SIRPA: variants seen among roughly 807,000 people sequenced by gnomAD.
The protein encoded by SIRPA is tyrosine-protein phosphatase non-receptor type substrate 1.
In SIRPA, 9 loss-of-function variants were observed where a neutral mutation model predicts 50.3. The ratio of observed to expected loss-of-function variants is 0.18; its 90% CI spans 0.11 to 0.31. The LOEUF (loss-of-function observed/expected upper bound fraction) is 0.31. Among genes scored for constraint, SIRPA ranks in the 10% least tolerant of loss-of-function variants. SIRPA has a pLI of 1.00. For synonymous variants in SIRPA, 265 were observed against 284.1 expected, an observed-to-expected ratio of 0.93 and a Z score of 0.68; for missense variants, 474 against 661.6, an observed-to-expected ratio of 0.72 and a Z score of 3.11.
intron 7 of SIRPA, among the ~76,000 whole-genome samples, chr20:1,935,866 G>A (rs541673182): frequency 6.6e-6 from 1 of 152,282 alleles, no homozygotes; most frequent in Non-Finnish European, 1.5e-5. Flanking sequence ...CTGTCAACAC[G>A]GATTTCCCAG....
At position 1,937,513 on chromosome 20, in the gene SIRPA, C is replaced by A. The variant is rs780245154; in HGVS notation, c.1460C>A (p.Pro487His). The A allele has an allele frequency of 1.9e-6, 3 of 1,614,122 alleles. No homozygotes were observed. The highest frequency in any genetic ancestry group is 1.7e-6 in the Non-Finnish European group (2 of 1,180,012). ...HLNRTPKQPA[P>H]KPEPSFSEYA... ...AACCGGACCCCCAAGCAGCCGGCCC[C>A]CAAGCCTGAGCCGTCCTTCTCAGAG... is the stretch of plus-strand genomic sequence containing the variant. The change falls in exon 8 of 8, where the codon CCC (proline) becomes CAC (histidine). Residue 487 changes from proline (P) to histidine (H), a missense_variant. By Grantham distance (77) the Pro-to-His change is moderately conservative. Around this residue, in one of 4 missense-constraint regions of SIRPA, gnomAD observed 180 missense variants for 206.7 expected, o/e 0.87. Coordinates refer to ENST00000358771, the MANE Select transcript of SIRPA (RefSeq NM_001040023.2). The surrounding 1 kb of genome is among the most constrained non-coding windows in gnomAD (Gnocchi z 8.3).
chr20:1,919,360 C>T (rs149760292), intron 2 of SIRPA, among the ~76,000 whole-genome samples: 88 of 152,318 alleles, frequency 5.8e-4, no homozygotes, highest in African/African-American at 2.0e-3. Context: ...CCAGAGGTCA[C>T]GGAGGACAAG....
At chr20:1,914,991 G>A (rs1184179508) in intron 1 of SIRPA, 108 bp from the exon 2 acceptor site, 2 of 927,484 alleles carry the variant, frequency 2.2e-6, no homozygotes, top group Admixed American at 2.3e-5. Flanking sequence ...TGATCTCACA[G>A]CCTGCTTCTG....
rs550163193 is a variant in SIRPA, at chr20:1,929,472, G to A, written c.1226+1573G>A. Among the ~76,000 whole-genome samples, 21 of 152,282 alleles carry A rather than the reference G, an allele frequency of 1.4e-4. No individual in the cohort carries two copies. In the South Asian group the frequency reaches 3.9e-3, roughly 29 times the overall value. Reference sequence around the variant, plus strand: ...TCCTGAGTTGGGGGGTGCAGGTGATGGGTGGAGTGATGGGGCAAATATCAG... The same window carrying A: ...TCCTGAGTTGGGGGGTGCAGGTGATAGGTGGAGTGATGGGGCAAATATCAG... On this transcript the variant is annotated intron_variant, in intron 6 of 7. Transcript: ENST00000358771.
chr20:1,919,606 C>T lies in SIRPA; in HGVS notation c.437-1789C>T, dbSNP rs551455675. Among the ~76,000 whole-genome samples, 34 of 152,168 alleles carry T rather than the reference C, an allele frequency of 2.2e-4. No individual in the cohort carries two copies. In the South Asian group the frequency reaches 2.3e-3, roughly 10 times the overall value. On this transcript the variant is annotated intron_variant, in intron 2 of 7. Transcript: ENST00000358771. ...CTGAAAATGTTTTTGTCTAAATGAC[C>T]GCCGGAATCCCAGCAAATCCTTCCA...
chr20:1,899,258 C>T (rs570851619), intron 1 of SIRPA, among the ~76,000 whole-genome samples: 51 of 152,158 alleles, frequency 3.4e-4, no homozygotes, highest in African/African-American at 1.2e-3. Context: ...GGCTTCCTCC[C>T]TGCCAGGCCT....
chr20:1,924,381 C>T lies in SIRPA; in HGVS notation c.1088-383C>T, dbSNP rs1018178731. Among the ~76,000 whole-genome samples, 8 of 152,348 alleles carry T rather than the reference C, an allele frequency of 5.3e-5. No individual in the cohort carries two copies. The East Asian group carries it at 1.5e-3, about 29-fold the overall frequency. ...AGAGCCTGCTGGCCGCACTGCCCTT[C>T]TTCCAGCTGCTGATTCAGTTTCCAG... On this transcript the variant is annotated intron_variant, in intron 4 of 7. Coordinates refer to ENST00000358771, the MANE Select transcript of SIRPA (RefSeq NM_001040023.2). The surrounding 1 kb of genome is among the most constrained non-coding windows in gnomAD (Gnocchi z 4.5).
chr20:1,913,960 C>T (rs56301259), intron 1 of SIRPA, among the ~76,000 whole-genome samples: 55,710 of 151,694 alleles, frequency 0.37, 10,533 homozygotes, highest in East Asian at 0.66. Context: ...CTCCTGCAGC[C>T]AACCTCTACA....
upstream of SIRPA, chr20:1,895,252 T>C (rs1600380667): frequency 8.1e-6 from 3 of 372,232 alleles, no homozygotes; most frequent in Non-Finnish European, 1.3e-5. Flanking sequence ...CCATTTCTCC[T>C]GGGGGGCGGG....
chr20:1,930,928 T>G (rs938022400), intron 6 of SIRPA, among the ~76,000 whole-genome samples: 1 of 152,224 alleles, frequency 6.6e-6, no homozygotes, highest in African/African-American at 2.4e-5. Flanking sequence ...CCTCCCCGAT[T>G]AGACAATGAG....
At chr20:1,900,375 C>T (rs1984115044) in intron 1 of SIRPA, among the ~76,000 whole-genome samples, 1 of 152,128 alleles carries the variant, frequency 6.6e-6, no homozygotes, top group East Asian at 1.9e-4. Context: ...CAGGCTGAGC[C>T]ACCGCACCAC....
intron 1 of SIRPA, among the ~76,000 whole-genome samples, chr20:1,905,946 T>G (rs2123023683): frequency 6.6e-6 from 1 of 152,318 alleles, no homozygotes; most frequent in East Asian, 1.9e-4. Flanking sequence ...AGGGGCCTCA[T>G]GCATGCATCA....
In SIRPA at chr20:1,921,419, C is replaced by T. The variant is rs370744062; in HGVS notation, c.461C>T (p.Ser154Leu). 1.9e-5 allele frequency: 31 copies of T among 1,613,526 alleles called. No individual in the cohort carries two copies. Among genetic ancestry groups the T allele is most frequent in the Admixed American group, 6.7e-5 (4 of 60,000 alleles). The part of the protein sequence containing the change: ...VRAKPSAPVV[S>L]GPAARATPQH... ...GCCAAACCCTCTGCCCCCGTGGTAT[C>T]GGGCCCTGCGGCGAGGGCCACACCT... The change falls in exon 3 of 8, where the codon TCG (serine) becomes TTG (leucine). Residue 154 changes from serine (S) to leucine (L), a missense_variant. Ser to Leu is a moderately radical substitution (Grantham distance 145). Around this residue, in one of 4 missense-constraint regions of SIRPA, gnomAD observed 221 missense variants for 359.9 expected, o/e 0.61. Coordinates refer to ENST00000358771, the MANE Select transcript of SIRPA (RefSeq NM_001040023.2).
rs1178366090 is a variant in SIRPA, at chr20:1,924,820, T to C, written c.1144T>C (p.Leu382=). 2 of 1,614,222 alleles carry C rather than the reference T, an allele frequency of 1.2e-6. No homozygotes were observed. Among genetic ancestry groups the C allele is most frequent in the Admixed American group, 1.7e-5 (1 of 60,034 alleles). Residue 382 remains leucine (L), a synonymous_variant, in exon 5 of 8, where the codon TTG becomes CTG. Coordinates refer to ENST00000358771, the MANE Select transcript of SIRPA (RefSeq NM_001040023.2). This position sits in a 1 kb window ranked among gnomAD's most constrained non-coding sequence, Gnocchi z 4.5. ...IYIVVGVVCT[L]LVALLMAALY... is the part of the protein sequence containing the mutation. ...TATTGTGGTGGGTGTGGTGTGCACC[T>C]TGCTGGTGGCCCTACTGATGGCGGC...
rs1048199719 is a variant in SIRPA at position 1,898,383 on chromosome 20, G to A, written c.79+2857G>A. The stretch of plus-strand genomic sequence containing the variant: ...CCCTCGGAAACTCACGGTAATTCAC[G>A]TCTGTACTTGCAGTCATGCAGCACC... On this transcript the variant is annotated intron_variant, in intron 1 of 7. Coordinates refer to ENST00000358771, the MANE Select transcript of SIRPA (RefSeq NM_001040023.2). This position sits in a 1 kb window ranked among gnomAD's most constrained non-coding sequence, Gnocchi z 4.3. 1.3e-5 allele frequency among the ~76,000 whole-genome samples: 2 copies of A among 152,162 alleles called. No individual in the cohort carries two copies. The highest frequency in any genetic ancestry group is 6.5e-5 in the Admixed American group (1 of 15,282).
intron 1 of SIRPA, among the ~76,000 whole-genome samples, chr20:1,897,488 C>T (rs566035735): frequency 7.9e-5 from 12 of 152,336 alleles, no homozygotes; most frequent in Middle Eastern, 3.4e-3. Flanking sequence ...AGGATGGGGC[C>T]TCAGGCCCCT....
rs1986067840 is a variant in SIRPA, at chr20:1,927,764, A to G, written c.1202-111A>G. On this transcript the variant is annotated intron_variant, in intron 5 of 7. Coordinates refer to ENST00000358771, the MANE Select transcript of SIRPA (RefSeq NM_001040023.2). This position sits in a 1 kb window ranked among gnomAD's most constrained non-coding sequence, Gnocchi z 6.5. ...CTCCTGTGGTTCCAAGGATGTGATT[A>G]CAGCATTTCCTCTCCATGTCCCTGG... 3.5e-5 allele frequency: 33 copies of G among 932,114 alleles called. No individual in the cohort carries two copies. In the East Asian group the frequency reaches 7.9e-4, roughly 22 times the overall value. The allele number at this position is 932,114 out of a possible 1,614,324, so 57.7% of individuals were successfully genotyped here. A position where few individuals can be genotyped will look rare whatever the true frequency, so the allele number is the denominator to read the frequency against.
chr20:1,934,381 A>G lies in SIRPA; in HGVS notation c.1227-334A>G, dbSNP rs1251493553. Reference sequence around the variant, plus strand: ...CTCTTGATTTTGCCAGCTGCTTCCCAAAAGGATTGTACTGGTTTGCCTCTC... The same window carrying G: ...CTCTTGATTTTGCCAGCTGCTTCCCGAAAGGATTGTACTGGTTTGCCTCTC... On this transcript the variant is annotated intron_variant, in intron 6 of 7. Transcript: ENST00000358771. This position sits in a 1 kb window ranked among gnomAD's most constrained non-coding sequence, Gnocchi z 4.6. 1.3e-5 allele frequency among the ~76,000 whole-genome samples: 2 copies of G among 152,208 alleles called. No homozygotes were observed. The highest frequency in any genetic ancestry group is 2.4e-5 in the African/African-American group (1 of 41,440).
chr20:1,938,946 TGAA>T lies in SIRPA; in HGVS notation c.*1385_*1387del, dbSNP rs1294095474. 2 of 152,730 alleles carry T rather than the reference TGAA, an allele frequency of 1.3e-5. No individual in the cohort carries two copies. Among genetic ancestry groups the T allele is most frequent in the African/African-American group, 2.4e-5 (1 of 41,462 alleles). 9.5% of individuals were successfully genotyped at this position (152,730 alleles called of 1,614,324 possible). ...CATCCCGGCTTTCTGAGCTGATCCT[TGAA>T]GAAGAAATCTTCCATTTCTGCTCTC... On this transcript the variant is annotated 3_prime_UTR_variant, in exon 8 of 8. Coordinates refer to ENST00000358771, the MANE Select transcript of SIRPA (RefSeq NM_001040023.2).
Sources: gnomAD v4.1 joint callset for allele counts (sites outside exome capture counted in the v4.1 genomes callset) on GRCh38, gnomAD v4.1.1 for gene constraint, gnomAD v4.1.1 regional missense constraint, Gnocchi (gnomAD v3.1) non-coding constraint, MANE v1.5 for transcripts, NCBI Gene and HGNC (gene_info 2026-07-23, HGNC 2026-07-21) for gene names.